DCC: variants seen among roughly 807,000 people sequenced by gnomAD.
DCC encodes DCC netrin 1 receptor.
Under a neutral mutation model 172.5 loss-of-function variants are expected in DCC, and 58 were observed. That is an observed-to-expected ratio of 0.34 (90% confidence interval 0.27 to 0.42). The LOEUF is 0.42. Ranked by LOEUF, DCC falls within the 10% of genes least tolerant of loss-of-function variation. The probability of loss-of-function intolerance (pLI) is 1.00; values close to 1 mark genes in which losing one functional copy is unlikely to be tolerated. For synonymous variants in DCC, 709 were observed against 644.5 expected (o/e 1.10, Z -1.52); for missense variants, 1,740 against 1,791.0 (o/e 0.97, Z 0.51).
intron 1 of DCC, among the ~76,000 whole-genome samples, chr18:52,719,666 G>C (rs1304150309): frequency 1.3e-5 from 2 of 152,046 alleles, no homozygotes; most frequent in Non-Finnish European, 2.9e-5. Context: ...CATATCATTA[G>C]AGAGAATTAT....
At chr18:52,451,541 A>G (rs557742972) in intron 1 of DCC, among the ~76,000 whole-genome samples, 13 of 152,292 alleles carry the variant, frequency 8.5e-5, no homozygotes, top group African/African-American at 2.9e-4. Context: ...AAAAGGTTAA[A>G]GTAGGTTTAT....
At chr18:53,152,912 T>C (rs1351819040) in intron 7 of DCC, among the ~76,000 whole-genome samples, 1 of 152,216 alleles carries the variant, frequency 6.6e-6, no homozygotes, top group Non-Finnish European at 1.5e-5. Flanking sequence ...GAGTCCGTGA[T>C]TAATTCTATG....
At chr18:52,583,554 A>G (rs914041023) in intron 1 of DCC, among the ~76,000 whole-genome samples, 4 of 152,184 alleles carry the variant, frequency 2.6e-5, no homozygotes, top group African/African-American at 9.7e-5. Flanking sequence ...GATAAATTGC[A>G]TTATGACCTA....
chr18:52,811,063 A>G (rs1341613123), intron 2 of DCC, among the ~76,000 whole-genome samples: 1 of 152,202 alleles, frequency 6.6e-6, no homozygotes, highest in Non-Finnish European at 1.5e-5. Flanking sequence ...AATTTTTAAA[A>G]TGTGGGAAAT....
At chr18:53,012,355 C>T (rs1038151790) in intron 5 of DCC, among the ~76,000 whole-genome samples, 1 of 151,884 alleles carries the variant, frequency 6.6e-6, no homozygotes, top group African/African-American at 2.4e-5. Context: ...GTAATTAATG[C>T]ACAAATTGAT....
intron 22 of DCC, among the ~76,000 whole-genome samples, chr18:53,441,564 G>C: frequency 6.6e-6 from 1 of 152,064 alleles, no homozygotes. Context: ...CAAGACATGA[G>C]GACTACTACT....
chr18:53,470,928 C>T, intron 25 of DCC, among the ~76,000 whole-genome samples: 1 of 152,166 alleles, frequency 6.6e-6, no homozygotes, highest in East Asian at 1.9e-4. Context: ...TATAAATCAA[C>T]TTACTCTGTT....
chr18:53,355,888 T>C (rs1304587418), intron 15 of DCC, among the ~76,000 whole-genome samples: 1 of 152,166 alleles, frequency 6.6e-6, no homozygotes, highest in Admixed American at 6.5e-5. Context: ...TTTATTTTTA[T>C]ATACTGGTAT....
intron 12 of DCC, among the ~76,000 whole-genome samples, chr18:53,293,093 C>T (rs2057024375): frequency 6.6e-6 from 1 of 152,136 alleles, no homozygotes; most frequent in South Asian, 2.1e-4. Context: ...CTCTCAATAA[C>T]TAGGGAGAGA....
At position 52,694,141 on chromosome 18, in the gene DCC, A is replaced by C. The variant is rs139912785; in HGVS notation, c.92-57913A>C. On this transcript the variant is annotated intron_variant, in intron 1 of 28. Coordinates refer to ENST00000442544, the MANE Select transcript of DCC (RefSeq NM_005215.4). The stretch of plus-strand genomic sequence containing the variant: ...ACTTCACTTCTATGGAGTTCTTCCC[A>C]AAAACCTGTATCTCCTGCCTGATAT... Among the ~76,000 whole-genome samples, 901 of 152,206 alleles carry C rather than the reference A, an allele frequency of 5.9e-3. 6 individuals carry two copies. The highest frequency in any genetic ancestry group is 9.5e-3 in the Non-Finnish European group (643 of 68,000).
intron 1 of DCC, among the ~76,000 whole-genome samples, chr18:52,626,498 GA>G (rs2034576245): frequency 6.6e-6 from 1 of 151,762 alleles, no homozygotes; most frequent in South Asian, 2.1e-4. Flanking sequence ...ACAAAAACCA[GA>G]GTGATCTTTC....
intron 5 of DCC, among the ~76,000 whole-genome samples, chr18:53,015,362 ACT>A (rs1184991864): frequency 2.0e-5 from 3 of 152,146 alleles, no homozygotes; most frequent in East Asian, 1.9e-4. Context: ...AATTTGTATG[ACT>A]CTGATTAATC....
At chr18:52,950,060 T>C (rs2040611851) in intron 5 of DCC, among the ~76,000 whole-genome samples, 2 of 152,204 alleles carry the variant, frequency 1.3e-5, no homozygotes, top group African/African-American at 4.8e-5. Context: ...TTGGCTGTTT[T>C]CTGCCATTTA....
intron 9 of DCC, among the ~76,000 whole-genome samples, chr18:53,187,211 G>A (rs193224582): frequency 1.6e-4 from 24 of 150,050 alleles, no homozygotes; most frequent in Non-Finnish European, 3.1e-4. Context: ...CAACCTCCAC[G>A]TCCTGAGTTC....
intron 1 of DCC, among the ~76,000 whole-genome samples, chr18:52,550,153 G>T (rs892404438): frequency 4.0e-5 from 6 of 151,596 alleles, no homozygotes; most frequent in Non-Finnish European, 8.8e-5. Context: ...AAAAAACATC[G>T]CCCAAACATA....
At chr18:52,808,236 T>A (rs998814525) in intron 2 of DCC, among the ~76,000 whole-genome samples, 2 of 152,242 alleles carry the variant, frequency 1.3e-5, no homozygotes, top group African/African-American at 2.4e-5. Context: ...GGTCTTGTTC[T>A]GGATTTTTGA....
At chr18:52,547,329 C>T (rs1317320592) in intron 1 of DCC, among the ~76,000 whole-genome samples, 8 of 152,118 alleles carry the variant, frequency 5.3e-5, no homozygotes, top group African/African-American at 1.2e-4. Context: ...GATCATGGAA[C>T]TATTGTAAAT....
chr18:52,772,841 G>A (rs146130312), intron 2 of DCC, among the ~76,000 whole-genome samples: 2 of 152,308 alleles, frequency 1.3e-5, no homozygotes, highest in South Asian at 2.1e-4. Context: ...TGAAGTTACA[G>A]TAGCACAGTA....
intron 2 of DCC, among the ~76,000 whole-genome samples, chr18:52,756,042 T>C (rs1049077107): frequency 6.6e-6 from 1 of 152,248 alleles, no homozygotes; most frequent in African/African-American, 2.4e-5. Flanking sequence ...AACAGGCTAC[T>C]GACTCTCAGT....
Sources: gnomAD v4.1 joint callset for allele counts (sites outside exome capture counted in the v4.1 genomes callset) on GRCh38, gnomAD v4.1.1 for gene constraint, MANE v1.5 for transcripts, NCBI Gene and HGNC (gene_info 2026-07-23, HGNC 2026-07-21) for gene names.